FGF12: variants seen among roughly 807,000 people sequenced by gnomAD.
FGF12 encodes the protein fibroblast growth factor 12B.
FGF12 carries 14 observed loss-of-function variants against 23.6 expected under a neutral mutation model. That is an observed-to-expected ratio of 0.59 (90% CI 0.39 to 0.93). FGF12 has a LOEUF of 0.93. Among genes scored for constraint, FGF12 ranks in the 40% least tolerant of loss-of-function variants. The pLI is 0.00. For missense variants in FGF12, 175 were observed against 217.8 expected (o/e 0.80, Z 1.24); for synonymous variants, 62 against 77.3 (o/e 0.80, Z 1.04).
At chr3:192,602,724 A>ACCC (rs1216988237) in intron 2 of FGF12, among the ~76,000 whole-genome samples, 27 of 87,386 alleles carry the variant, frequency 3.1e-4, no homozygotes, top group East Asian at 3.9e-4. Context: ...CAAAGGCCCA[A>ACCC]AAAAAAAAAA....
At chr3:192,687,686 G>T (rs1272660232) in intron 2 of FGF12, among the ~76,000 whole-genome samples, 1 of 152,056 alleles carries the variant, frequency 6.6e-6, no homozygotes, top group African/African-American at 2.4e-5. Flanking sequence ...GTAAGTAGCA[G>T]GCCCCACCCC....
chr3:192,405,806 A>G (rs1277093528), intron 2 of FGF12, among the ~76,000 whole-genome samples: 2 of 152,230 alleles, frequency 1.3e-5, no homozygotes, highest in Non-Finnish European at 2.9e-5. Context: ...AAATCAACAG[A>G]TTAATTATTT....
At chr3:192,668,802 A>T (rs1374107240) in intron 2 of FGF12, among the ~76,000 whole-genome samples, 5 of 152,238 alleles carry the variant, frequency 3.3e-5, no homozygotes, top group Admixed American at 2.0e-4. Flanking sequence ...GCAATGGGAC[A>T]TAAAGCAACC....
chr3:192,307,845 T>C (rs773897039), intron 4 of FGF12, among the ~76,000 whole-genome samples: 7 of 152,208 alleles, frequency 4.6e-5, no homozygotes, highest in Non-Finnish European at 1.0e-4. Flanking sequence ...GTTTGGAATG[T>C]GGCCAATTAC....
At position 192,622,929 on chromosome 3, in the gene FGF12, G is replaced by A. The variant is rs531258301; in HGVS notation, c.13+104252C>T. ...CCAGGGACCACAGAACAATCTTTCT[G>A]GATTATGACATTTGCAGCAAGCACT... On this transcript the variant is annotated intron_variant, in intron 2 of 5. Coordinates refer to ENST00000445105, the MANE Select transcript of FGF12 (RefSeq NM_004113.6). 1.3e-3 allele frequency among the ~76,000 whole-genome samples: 196 copies of A among 152,224 alleles called. 4 individuals are homozygous for A. The South Asian group carries it at 0.04, about 31-fold the overall frequency.
At chr3:192,499,931 T>C (rs990447643) in intron 2 of FGF12, among the ~76,000 whole-genome samples, 1 of 152,134 alleles carries the variant, frequency 6.6e-6, no homozygotes, top group African/African-American at 2.4e-5. Flanking sequence ...ATTAGAAAGT[T>C]ACAACCCAGG....
intron 2 of FGF12, among the ~76,000 whole-genome samples, chr3:192,677,844 C>T (rs1717384142): frequency 6.6e-6 from 1 of 152,192 alleles, no homozygotes; most frequent in South Asian, 2.1e-4. Flanking sequence ...ATCCATACGT[C>T]TGGGGCAGGC....
chr3:192,634,809 G>A (rs1012034753), intron 2 of FGF12, among the ~76,000 whole-genome samples: 1 of 152,102 alleles, frequency 6.6e-6, no homozygotes, highest in African/African-American at 2.4e-5. Context: ...AACTGTGAGT[G>A]TTTAAAAAGA....
chr3:192,303,406 T>G (rs771933483), intron 4 of FGF12, among the ~76,000 whole-genome samples: 1 of 152,148 alleles, frequency 6.6e-6, no homozygotes, highest in African/African-American at 2.4e-5. Flanking sequence ...TGGCAGCTGC[T>G]GAGAGATAGC....
chr3:192,483,307 T>A (rs1723532996), intron 2 of FGF12, among the ~76,000 whole-genome samples: 1 of 152,166 alleles, frequency 6.6e-6, no homozygotes, highest in South Asian at 2.1e-4. Flanking sequence ...GGGATTCATA[T>A]ACCACCACTA....
At chr3:192,572,015 C>T (rs1175419783) in intron 2 of FGF12, among the ~76,000 whole-genome samples, 1 of 151,458 alleles carries the variant, frequency 6.6e-6, no homozygotes, top group Non-Finnish European at 1.5e-5. Flanking sequence ...GACTTATCCA[C>T]AGTGCCTAGT....
At chr3:192,330,617 C>T (rs529776819) in intron 4 of FGF12, among the ~76,000 whole-genome samples, 1 of 152,090 alleles carries the variant, frequency 6.6e-6, no homozygotes, top group South Asian at 2.1e-4. Flanking sequence ...GCAGGAGAAT[C>T]GCTTGAACCC....
At chr3:192,390,885 C>T (rs1478887594) in intron 2 of FGF12, among the ~76,000 whole-genome samples, 1 of 152,144 alleles carries the variant, frequency 6.6e-6, no homozygotes, top group South Asian at 2.1e-4. Context: ...AGGGGAAACT[C>T]AAGACACAAA....
At chr3:192,329,538 C>T (rs556512374) in intron 4 of FGF12, among the ~76,000 whole-genome samples, 1 of 152,212 alleles carries the variant, frequency 6.6e-6, no homozygotes, top group Admixed American at 6.5e-5. Context: ...GTTCAAACAA[C>T]TCAAATATAA....
intron 2 of FGF12, among the ~76,000 whole-genome samples, chr3:192,577,072 G>A (rs577716549): frequency 9.9e-5 from 15 of 152,120 alleles, no homozygotes; most frequent in Non-Finnish European, 2.2e-4. Context: ...GGGGACTAGG[G>A]GAGGGATAGC....
Position 192,413,798 on chromosome 3 carries a change from C to T in FGF12, c.14-53260G>A, listed in dbSNP as rs368328199. 5.3e-5 allele frequency among the ~76,000 whole-genome samples: 8 copies of T among 152,250 alleles called. No homozygotes were observed. The East Asian group carries it at 1.4e-3, about 26-fold the overall frequency. On this transcript the variant is annotated intron_variant, in intron 2 of 5. Coordinates refer to ENST00000445105, the MANE Select transcript of FGF12 (RefSeq NM_004113.6). ...TGAGATCAGGCCCCTGACTCAAAGT[C>T]GGGTGAATATGAGCTCACTGGGCTC...
At chr3:192,466,641 C>T (rs754284011) in intron 2 of FGF12, among the ~76,000 whole-genome samples, 1 of 152,158 alleles carries the variant, frequency 6.6e-6, no homozygotes, top group African/African-American at 2.4e-5. Context: ...TTGCAGGTTA[C>T]CACCAATTTT....
At chr3:192,508,172 A>G (rs1460966249) in intron 2 of FGF12, among the ~76,000 whole-genome samples, 1 of 152,220 alleles carries the variant, frequency 6.6e-6, no homozygotes, top group Non-Finnish European at 1.5e-5. Context: ...TATAAACAGT[A>G]ATGAGTGGAG....
At chr3:192,492,862 A>C (rs544616491) in intron 2 of FGF12, among the ~76,000 whole-genome samples, 1 of 151,848 alleles carries the variant, frequency 6.6e-6, no homozygotes, top group Non-Finnish European at 1.5e-5. Flanking sequence ...AATTTTTCCA[A>C]TTTATACACA....
Sources: gnomAD v4.1 joint callset for allele counts (sites outside exome capture counted in the v4.1 genomes callset) on GRCh38, gnomAD v4.1.1 for gene constraint, MANE v1.5 for transcripts, NCBI Gene and HGNC (gene_info 2026-07-23, HGNC 2026-07-21) for gene names.